Variants in CCDC178 observed in about 807,000 individuals in gnomAD.
The protein encoded by CCDC178 is coiled-coil domain containing 178.
A neutral mutation model predicts 117.4 loss-of-function variants in CCDC178; 126 were observed. The ratio of observed to expected loss-of-function variants is 1.07; its 90% confidence interval spans 0.93 to 1.24. The LOEUF (loss-of-function observed/expected upper bound fraction) is 1.24. CCDC178 is among the 50% of genes most tolerant of loss of function. The probability of loss-of-function intolerance (pLI) is 0.00; values close to 1 mark genes in which losing one functional copy is unlikely to be tolerated. For synonymous variants in CCDC178, 283 were observed against 313.4 expected, an observed-to-expected ratio of 0.90 and a Z score of 1.02; for missense variants, 1,030 against 986.9, an observed-to-expected ratio of 1.04 and a Z score of -0.59.
chr18:33,206,596 A>T (rs879899027), intron 20 of CCDC178, among the ~76,000 whole-genome samples: 3 of 152,016 alleles, frequency 2.0e-5, no homozygotes, highest in Non-Finnish European at 4.4e-5. Flanking sequence ...TGTTAAAATA[A>T]TTTTTTTCTA....
At chr18:33,204,265 A>C (rs1314850552) in intron 20 of CCDC178, among the ~76,000 whole-genome samples, 1 of 152,076 alleles carries the variant, frequency 6.6e-6, no homozygotes, top group Non-Finnish European at 1.5e-5. Flanking sequence ...ATGAAAAATT[A>C]TTAATTTAAA....
chr18:33,000,730 C>A (rs1177762285), intron 21 of CCDC178, among the ~76,000 whole-genome samples: 1 of 152,124 alleles, frequency 6.6e-6, no homozygotes, highest in African/African-American at 2.4e-5. Context: ...GTGAAAATAT[C>A]TTTAAATATG....
At chr18:33,371,448 G>C (rs573730049) in intron 5 of CCDC178, among the ~76,000 whole-genome samples, 3 of 151,398 alleles carry the variant, frequency 2.0e-5, no homozygotes, top group South Asian at 4.1e-4. Context: ...GGAAATCAAG[G>C]CTTAAATAAA....
chr18:32,987,123 AC>A (rs1223158815), intron 21 of CCDC178, among the ~76,000 whole-genome samples: 2 of 151,984 alleles, frequency 1.3e-5, no homozygotes, highest in Admixed American at 6.5e-5. Context: ...CAATTAAAAA[AC>A]AAAGAGATAC....
At chr18:33,439,891 C>T (rs2064354504) in intron 2 of CCDC178, 71 bp downstream of exon 2, 1 of 152,122 alleles carries the variant, frequency 6.6e-6, no homozygotes, top group Non-Finnish European at 1.5e-5. Flanking sequence ...TTCTTATATT[C>T]CTGAGTTTGA....
At chr18:33,218,125 T>A (rs2059188852) in intron 18 of CCDC178, among the ~76,000 whole-genome samples, 1 of 152,080 alleles carries the variant, frequency 6.6e-6, no homozygotes, top group South Asian at 2.1e-4. Context: ...AAAAATGATA[T>A]GAGGACACCT....
intron 21 of CCDC178, among the ~76,000 whole-genome samples, chr18:33,067,044 G>A (rs183198117): frequency 7.2e-5 from 11 of 152,282 alleles, no homozygotes; most frequent in Admixed American, 7.2e-4. Context: ...GATAGCAGCA[G>A]AATACACATT....
intron 9 of CCDC178, among the ~76,000 whole-genome samples, chr18:33,341,197 T>C (rs2062813104): frequency 7.2e-6 from 1 of 139,208 alleles, no homozygotes. Flanking sequence ...GGCTACCCCA[T>C]TGGATTTTGG....
chr18:33,009,718 G>A (rs892341572), intron 21 of CCDC178, among the ~76,000 whole-genome samples: 1 of 152,066 alleles, frequency 6.6e-6, no homozygotes, highest in African/African-American at 2.4e-5. Context: ...GAACAAGAAT[G>A]TCTGTTTTAT....
intron 12 of CCDC178, among the ~76,000 whole-genome samples, chr18:33,288,352 C>G (rs2060127122): frequency 9.5e-6 from 1 of 105,472 alleles, no homozygotes; most frequent in African/African-American, 3.8e-5. Flanking sequence ...CCCCTCCTGT[C>G]CCCTCCTCTC....
intron 21 of CCDC178, among the ~76,000 whole-genome samples, chr18:32,984,706 A>T (rs9304116): frequency 0.15 from 22,860 of 151,950 alleles, 2,529 homozygotes; most frequent in African/African-American, 0.31. Context: ...CAAAATTATA[A>T]AATAAAATTA....
At chr18:33,249,241 T>C (rs1272379927) in intron 14 of CCDC178, among the ~76,000 whole-genome samples, 1 of 152,164 alleles carries the variant, frequency 6.6e-6, no homozygotes, top group Non-Finnish European at 1.5e-5. Flanking sequence ...GATGGTAGTT[T>C]CTTTTGCTGT....
chr18:32,984,100 C>T (rs2055210856), intron 21 of CCDC178, among the ~76,000 whole-genome samples: 1 of 151,902 alleles, frequency 6.6e-6, no homozygotes, highest in South Asian at 2.1e-4. Context: ...CTGGAAATAG[C>T]TTTTATTAAC....
At chr18:33,264,681 C>T (rs975541774) in intron 14 of CCDC178, among the ~76,000 whole-genome samples, 2 of 152,008 alleles carry the variant, frequency 1.3e-5, no homozygotes, top group African/African-American at 2.4e-5. Flanking sequence ...TTCACTACGT[C>T]TATTCTTGAG....
At chr18:33,361,018 A>T (rs1280556177) in intron 6 of CCDC178, among the ~76,000 whole-genome samples, 2 of 151,700 alleles carry the variant, frequency 1.3e-5, no homozygotes, top group Non-Finnish European at 3.0e-5. Context: ...GCCATAAAAA[A>T]ACACCAAAAG....
chr18:33,183,876 T>C (rs2058759221), intron 20 of CCDC178, among the ~76,000 whole-genome samples: 1 of 152,116 alleles, frequency 6.6e-6, no homozygotes, highest in African/African-American at 2.4e-5. Flanking sequence ...CAACAGAACT[T>C]GTTATGAATT....
chr18:33,094,357 GAT>G (rs1285484998), intron 20 of CCDC178, among the ~76,000 whole-genome samples: 1 of 151,928 alleles, frequency 6.6e-6, no homozygotes, highest in East Asian at 1.9e-4. Context: ...CTTTTCAAAA[GAT>G]AGCTATACTA....
intron 11 of CCDC178, among the ~76,000 whole-genome samples, chr18:33,299,393 T>C (rs2062147150): frequency 6.6e-6 from 1 of 152,096 alleles, no homozygotes; most frequent in South Asian, 2.1e-4. Flanking sequence ...AAACCTGATA[T>C]TCATATATGG....
At chr18:33,389,657 A>C in intron 4 of CCDC178, 28 bp from the exon 5 acceptor site, 1 of 1,192,198 alleles carries the variant, frequency 8.4e-7, no homozygotes, top group African/African-American at 1.6e-5. Flanking sequence ...TACATATTTT[A>C]GTGAGTAGTT....
Sources: gnomAD v4.1 joint callset for allele counts (sites outside exome capture counted in the v4.1 genomes callset) on GRCh38, gnomAD v4.1.1 for gene constraint, MANE v1.5 for transcripts, NCBI Gene and HGNC (gene_info 2026-07-23, HGNC 2026-07-21) for gene names.